Variants in BCL11B observed in about 807,000 individuals in gnomAD.
The protein encoded by BCL11B is BCL11 transcription factor B.
In BCL11B, 8 loss-of-function variants were observed where a neutral mutation model predicts 49.9. The observed-to-expected ratio is 0.16, with a 90% confidence interval of 0.09 to 0.29. BCL11B has a LOEUF of 0.29. Among genes scored for constraint, BCL11B ranks in the 10% least tolerant of loss-of-function variants. BCL11B has a pLI of 1.00. For synonymous variants in BCL11B, 739 were observed against 637.4 expected (o/e 1.16, Z -2.40); for missense variants, 1,006 against 1,351.0 (o/e 0.74, Z 4.00).
intron 3 of BCL11B, among the ~76,000 whole-genome samples, chr14:99,207,792 G>A (rs894922232): frequency 2.6e-5 from 4 of 152,118 alleles, no homozygotes; most frequent in African/African-American, 9.7e-5. Flanking sequence ...AGGCACCCAG[G>A]AGCCCAGTGG....
intron 3 of BCL11B, among the ~76,000 whole-genome samples, chr14:99,187,494 C>T (rs576989060): frequency 2.0e-5 from 3 of 152,070 alleles, no homozygotes; most frequent in African/African-American, 7.3e-5. Flanking sequence ...GATAGCTGAG[C>T]TCACTTTGAT....
At chr14:99,217,122 A>G (rs545319478) in intron 3 of BCL11B, among the ~76,000 whole-genome samples, 2 of 152,314 alleles carry the variant, frequency 1.3e-5, no homozygotes, top group African/African-American at 4.8e-5. Flanking sequence ...ACACATACAC[A>G]TATGTGCACA....
In BCL11B at chr14:99,171,728, T is replaced by G. The variant is rs891741825; in HGVS notation, c.*2423A>C. 1 of 210,174 alleles carries G rather than the reference T, an allele frequency of 4.8e-6. No homozygotes were observed. Among genetic ancestry groups the G allele is most frequent in the African/African-American group, 2.3e-5 (1 of 43,936 alleles). The allele number at this position is 210,174 out of a possible 1,614,324, so 13.0% of individuals were successfully genotyped here. A position where few individuals can be genotyped will look rare whatever the true frequency, so the allele number is the denominator to read the frequency against. On this transcript the variant is annotated 3_prime_UTR_variant, in exon 4 of 4. Transcript: ENST00000357195. ...AATACAAGTTTCTATACATTTTTTT[T>G]GAAATAAAAATTCAACACCCAAGGC...
At chr14:99,265,247 C>T (rs1040608103) in intron 1 of BCL11B, among the ~76,000 whole-genome samples, 6 of 152,180 alleles carry the variant, frequency 3.9e-5, no homozygotes, top group African/African-American at 1.2e-4. Flanking sequence ...GATGCTCAGC[C>T]GGTATCAATA....
intron 3 of BCL11B, among the ~76,000 whole-genome samples, chr14:99,206,987 A>C (rs10142427): frequency 0.28 from 42,109 of 152,018 alleles, 6,046 homozygotes; most frequent in Non-Finnish European, 0.32. Context: ...CCATGGGATG[A>C]AGCCCTCCAA....
At chr14:99,246,648 G>A (rs1262544578) in intron 2 of BCL11B, among the ~76,000 whole-genome samples, 3 of 152,244 alleles carry the variant, frequency 2.0e-5, no homozygotes, top group African/African-American at 7.2e-5. Context: ...CCTCGGGGAA[G>A]GCCATTGTGT....
chr14:99,181,568 G>A (rs1323471164), intron 3 of BCL11B, among the ~76,000 whole-genome samples: 2 of 152,238 alleles, frequency 1.3e-5, no homozygotes, highest in Non-Finnish European at 2.9e-5. Context: ...GGCCACGAAG[G>A]AGGTTCTCCC....
chr14:99,195,912 C>T lies in BCL11B; in HGVS notation c.641-19717G>A, dbSNP rs541705497. ...AGTCTGCACCCGCCCCTTGTGTCTGCGCGGCACAGTGAGAACTGACATTTC... is the reference window on the plus strand; with the variant it reads ...AGTCTGCACCCGCCCCTTGTGTCTGTGCGGCACAGTGAGAACTGACATTTC... On this transcript the variant is annotated intron_variant, in intron 3 of 3. Coordinates refer to ENST00000357195, the MANE Select transcript of BCL11B (RefSeq NM_138576.4). This position sits in a 1 kb window ranked among gnomAD's most constrained non-coding sequence, Gnocchi z 4.7. Among the ~76,000 whole-genome samples, 1 of 152,230 alleles carries T rather than the reference C, an allele frequency of 6.6e-6. No individual in the cohort carries two copies. The highest frequency in any genetic ancestry group is 6.5e-5 in the Admixed American group (1 of 15,282).
chr14:99,198,686 T>C (rs1887251295), intron 3 of BCL11B, among the ~76,000 whole-genome samples: 1 of 151,808 alleles, frequency 6.6e-6, no homozygotes, highest in South Asian at 2.1e-4. Flanking sequence ...CCAAACAGAG[T>C]GCACCTTCCG....
intron 1 of BCL11B, chr14:99,264,351 T>C (rs1405354957): frequency 6.6e-6 from 1 of 150,512 alleles, no homozygotes; most frequent in African/African-American, 2.5e-5. Flanking sequence ...TTAATCACAA[T>C]AATATTGGCA....
rs968528549 is a variant in BCL11B, at chr14:99,231,842, G to A, written c.428-285C>T. ...CTCTGGGGGCCTGGTGCAGGGGGCTGGGTGAACGGGGGCTGTGAGGACCCA... is the reference window on the plus strand; with the variant it reads ...CTCTGGGGGCCTGGTGCAGGGGGCTAGGTGAACGGGGGCTGTGAGGACCCA... On this transcript the variant is annotated intron_variant, in intron 2 of 3. Transcript: ENST00000357195. The surrounding 1 kb of genome is among the most constrained non-coding windows in gnomAD (Gnocchi z 8.1). 6.6e-6 allele frequency among the ~76,000 whole-genome samples: 1 copy of A among 151,788 alleles called. No individual in the cohort carries two copies. The highest frequency in any genetic ancestry group is 1.5e-5 in the Non-Finnish European group (1 of 67,888).
intron 3 of BCL11B, among the ~76,000 whole-genome samples, chr14:99,202,404 G>A (rs1158267833): frequency 2.0e-5 from 3 of 152,192 alleles, no homozygotes; most frequent in Admixed American, 6.5e-5. Flanking sequence ...CCCAGGAGGA[G>A]GACACTTGAG....
At chr14:99,244,331 AATCCTAAAATGTAC>A (rs1303084834) in intron 2 of BCL11B, among the ~76,000 whole-genome samples, 3 of 151,934 alleles carry the variant, frequency 2.0e-5, no homozygotes, top group Admixed American at 1.3e-4. Flanking sequence ...AGTCTCCAAA[AATCCTAAAATGTAC>A]ATCCCTTTAA....
At position 99,268,037 on chromosome 14, in the gene BCL11B, C is replaced by T. The variant is rs574658326; in HGVS notation, c.58+3124G>A. 3.3e-5 allele frequency among the ~76,000 whole-genome samples: 5 copies of T among 152,258 alleles called. No individual in the cohort carries two copies. In the East Asian group the frequency reaches 5.8e-4, roughly 18 times the overall value. ...TGGTCAGCCGATCCCCCTTAACCTC[C>T]CCTCGGCACGATTGCCACTGTGTTG... On this transcript the variant is annotated intron_variant, in intron 1 of 3. Transcript: ENST00000357195.
intron 3 of BCL11B, among the ~76,000 whole-genome samples, chr14:99,222,000 C>T (rs537283724): frequency 7.1e-4 from 108 of 152,330 alleles, no homozygotes; most frequent in Admixed American, 1.7e-3. Flanking sequence ...AGAGGGACCC[C>T]TGCCCACCGA....
chr14:99,216,345 A>C (rs1174254505), intron 3 of BCL11B, among the ~76,000 whole-genome samples: 2 of 152,206 alleles, frequency 1.3e-5, no homozygotes. Context: ...AGATGGTGCT[A>C]TTCTCATGCC....
intron 3 of BCL11B, among the ~76,000 whole-genome samples, chr14:99,224,836 C>T (rs999949245): frequency 6.6e-6 from 1 of 152,168 alleles, no homozygotes; most frequent in Non-Finnish European, 1.5e-5. Context: ...GAGGATGGCC[C>T]CATCTCGAGA....
At chr14:99,271,098 C>A in intron 1 of BCL11B, 63 bp downstream of exon 1, 2 of 1,460,560 alleles carry the variant, frequency 1.4e-6, no homozygotes, top group Non-Finnish European at 1.8e-6. Flanking sequence ...GGCTCGGTGT[C>A]CCCAGCCCCA....
chr14:99,259,805 T>C (rs1292031343), intron 1 of BCL11B, among the ~76,000 whole-genome samples: 2 of 152,250 alleles, frequency 1.3e-5, no homozygotes, highest in African/African-American at 4.8e-5. Context: ...ATTTATTTTA[T>C]GAAAAGATGC....
Sources: allele counts gnomAD v4.1 joint callset (sites outside exome capture counted in the v4.1 genomes callset), GRCh38; gene constraint gnomAD v4.1.1; non-coding constraint Gnocchi (gnomAD v3.1); transcripts MANE v1.5; gene names NCBI Gene and HGNC (gene_info 2026-07-23, HGNC 2026-07-21).